Variants in AKR7A2 observed in about 807,000 individuals in gnomAD.
AKR7A2 encodes aflatoxin B1 aldehyde reductase member 2.
AKR7A2 carries 29 observed loss-of-function variants against 37.3 expected under a neutral mutation model. The observed-to-expected ratio is 0.78, with a 90% CI of 0.58 to 1.06. The LOEUF (loss-of-function observed/expected upper bound fraction) is 1.06. AKR7A2 is among the 50% of genes least tolerant of loss of function. The pLI, the probability that AKR7A2 is intolerant of heterozygous loss-of-function variation, is 0.00. For synonymous variants in AKR7A2, 228 were observed against 217.8 expected, an observed-to-expected ratio of 1.05 and a Z score of -0.41; for missense variants, 529 against 497.9, an observed-to-expected ratio of 1.06 and a Z score of -0.59.
chr1:19,305,376 C>T (rs1459826199), intron 6 of AKR7A2, among the ~76,000 whole-genome samples: 1 of 152,234 alleles, frequency 6.6e-6, no homozygotes. Flanking sequence ...CTTGCTTTGT[C>T]ACCCAGGCTA....
At chr1:19,311,757 GGGGT>G in intron 1 of AKR7A2, 66 bp downstream of exon 1, 2 of 1,590,374 alleles carry the variant, frequency 1.3e-6, no homozygotes, top group Non-Finnish European at 1.7e-6. Flanking sequence ...GGGCCCGAGC[GGGGT>G]GGTGCACGGC....
chr1:19,308,233 G>GCC lies in AKR7A2; in HGVS notation c.515_516insGG (p.Asn172LysfsTer50), dbSNP rs754611824. 6.2e-7 allele frequency: 1 copy of GCC among 1,613,606 alleles called. No individual in the cohort carries two copies. On this transcript the variant is annotated frameshift_variant, in exon 3 of 7. Transcript: ENST00000235835. LOFTEE classifies it high-confidence loss of function. Reference sequence around the variant, plus strand: ...TCTCGGCCACTTCCCAGCTAGCATAGTTGGAGAGGCCAAGCTCCACGAACT... The same window carrying GCC: ...TCTCGGCCACTTCCCAGCTAGCATAGCCTTGGAGAGGCCAAGCTCCACGAACT...
intron 5 of AKR7A2, 48 bp from the exon 6 acceptor site, chr1:19,306,195 A>C: frequency 6.2e-7 from 1 of 1,613,378 alleles, no homozygotes; most frequent in Non-Finnish European, 8.5e-7. Flanking sequence ...TGGGGGTCAC[A>C]CTGGGAGCCG....
At chr1:19,309,618 A>T (rs1166521511) in intron 1 of AKR7A2, among the ~76,000 whole-genome samples, 1 of 152,142 alleles carries the variant, frequency 6.6e-6, no homozygotes, top group Non-Finnish European at 1.5e-5. Context: ...TTCCCCTATA[A>T]AGAACCCCAG....
chr1:19,306,686 T>C (rs1418539724), intron 5 of AKR7A2, among the ~76,000 whole-genome samples: 2 of 151,714 alleles, frequency 1.3e-5, no homozygotes, highest in African/African-American at 4.8e-5. Flanking sequence ...CCCACTTCGG[T>C]GTCCCAAAGT....
At chr1:19,306,743 C>T (rs912824028) in intron 5 of AKR7A2, among the ~76,000 whole-genome samples, 2 of 152,038 alleles carry the variant, frequency 1.3e-5, no homozygotes, top group South Asian at 4.1e-4. Context: ...ATCCTGGGCT[C>T]GCTTTTTGCT....
At chr1:19,303,823 G>C, downstream of AKR7A2, 1 of 328,716 alleles carries the variant, frequency 3.0e-6, no homozygotes, top group Non-Finnish European at 5.9e-6. Context: ...CAGACCAGGG[G>C]CCCGAGGAGA....
intron 3 of AKR7A2, chr1:19,307,753 A>C: frequency 2.0e-6 from 1 of 493,820 alleles, no homozygotes; most frequent in Admixed American, 3.3e-5. Context: ...TCTACAATCA[A>C]ACAAGGAGCT....
At position 19,312,118 on chromosome 1, in the gene AKR7A2, T is replaced by G. The variant is rs1033441138; in HGVS notation, c.7A>C (p.Ser3Arg). The change falls in exon 1 of 7, where the codon AGT becomes CGT. Residue 3 changes from serine to arginine, a missense_variant. Physicochemically the swap from Ser to Arg is moderately radical, Grantham distance 110 (BLOSUM62 -1). Transcript: ENST00000235835. ML[S>R]AASRVVSRAA... Reference sequence around the variant, plus strand: ...CGGGAGACTACGCGAGACGCGGCACTCAGCATAGCAGCGGCGCCTGCGCGT... The same window carrying G: ...CGGGAGACTACGCGAGACGCGGCACGCAGCATAGCAGCGGCGCCTGCGCGT... 42 of 1,308,476 alleles carry G rather than the reference T, an allele frequency of 3.2e-5. No homozygotes were observed. Among genetic ancestry groups the G allele is most frequent in the Non-Finnish European group, 3.7e-5 (38 of 1,038,694 alleles). 81.1% of individuals were successfully genotyped at this position (1,308,476 alleles called of 1,614,324 possible).
At position 19,308,580 on chromosome 1, in the gene AKR7A2, A is replaced by T. The variant is rs138468365; in HGVS notation, c.361T>A (p.Ser121Thr). The T allele has an allele frequency of 8.7e-6, 14 of 1,613,944 alleles. No homozygotes were observed. Among genetic ancestry groups the T allele is most frequent in the African/African-American group, 1.3e-5 (1 of 74,878 alleles). ...GKSLKPDSVRSQLETSLKRLQ... is the reference protein window; with the variant it reads ...GKSLKPDSVRTQLETSLKRLQ... ...CTCTTCAATGACGTCTCCAGCTGGG[A>T]CCGGACACTGTCAGGCTTTAGTGAT... The change falls in exon 2 of 7, where the codon TCC becomes ACC. Residue 121 changes from serine to threonine, a missense_variant. Ser to Thr is a moderately conservative substitution (Grantham distance 58). Transcript: ENST00000235835.
intron 5 of AKR7A2, among the ~76,000 whole-genome samples, chr1:19,306,628 G>C (rs2093762072): frequency 6.7e-6 from 1 of 149,684 alleles, no homozygotes; most frequent in Admixed American, 6.6e-5. Context: ...TTTTTGTAGA[G>C]ACCATGTTGC....
chr1:19,306,089 C>T lies in AKR7A2; in HGVS notation c.847G>A (p.Ala283Thr), dbSNP rs773248892. The change falls in exon 6 of 7, where the codon GCA becomes ACA. Residue 283 changes from alanine (A) to threonine (T), a missense_variant. By Grantham distance (58) the Ala-to-Thr change is moderately conservative (BLOSUM62 0). Transcript: ENST00000235835. ...IALVEKALQA[A>T]YGASAPSVTS... ...ACACTGGGGGCGCTGGCGCCATATGCGGCCTGCAGGGCCTTCTCCACCAAC... is the reference window on the plus strand; with the variant it reads ...ACACTGGGGGCGCTGGCGCCATATGTGGCCTGCAGGGCCTTCTCCACCAAC... 9.3e-6 allele frequency: 15 copies of T among 1,614,072 alleles called. No individual in the cohort carries two copies. The highest frequency in any genetic ancestry group is 1.6e-4 in the Middle Eastern group (1 of 6,078).
intron 6 of AKR7A2, 128 bp downstream of exon 6, chr1:19,305,889 GT>G: frequency 6.8e-7 from 1 of 1,473,060 alleles, no homozygotes; most frequent in South Asian, 1.2e-5. Context: ...AGTGGGAAGA[GT>G]GCTTATGAGA....
Position 19,306,108 on chromosome 1 carries a change from C to T in AKR7A2, c.828G>A (p.Val276=). The T allele has an allele frequency of 6.2e-7, 1 of 1,614,210 alleles. No homozygotes were observed. Among genetic ancestry groups the T allele is most frequent in the Non-Finnish European group, 8.5e-7 (1 of 1,180,016 alleles). Residue 276 remains valine, a synonymous_variant, in exon 6 of 7, where the codon GTG becomes GTA. Transcript: ENST00000235835. Reference sequence around the variant, plus strand: ...CATATGCGGCCTGCAGGGCCTTCTCCACCAACGCAATGGCCTCGAAGTGGT... The same window carrying T: ...CATATGCGGCCTGCAGGGCCTTCTCTACCAACGCAATGGCCTCGAAGTGGT... ...KEHHFEAIAL[V]EKALQAAYGA... is the part of the protein sequence containing the mutation.
rs773425536 is a variant in AKR7A2, at chr1:19,308,489, T to A, written c.452A>T (p.Glu151Val). ...HAPDHGTPVE[E>V]TLHACQRLHQ... ...CAGCCGCTGGCAGGCATGCAGCGTC[T>A]CTTCCACCGGGGTGCCGTGGTCAGG... Residue 151 changes from glutamate to valine, a missense_variant, in exon 2 of 7, where the codon GAG becomes GTG. Transcript: ENST00000235835. 9 of 1,614,016 alleles carry A rather than the reference T, an allele frequency of 5.6e-6. No homozygotes were observed. In the South Asian group the frequency reaches 9.9e-5, roughly 18 times the overall value.
downstream of AKR7A2, among the ~76,000 whole-genome samples, chr1:19,302,961 G>A (rs1260061278): frequency 1.3e-5 from 2 of 152,136 alleles, no homozygotes; most frequent in African/African-American, 4.8e-5. Flanking sequence ...TCAACGTGCT[G>A]GGATTATAGC....
chr1:19,310,683 A>G (rs116211009), intron 1 of AKR7A2, among the ~76,000 whole-genome samples: 29 of 152,292 alleles, frequency 1.9e-4, no homozygotes, highest in African/African-American at 7.0e-4. Context: ...AATAATAATA[A>G]TAACAAAAAC....
At chr1:19,302,793 C>T (rs774242031), downstream of AKR7A2, among the ~76,000 whole-genome samples, 13 of 151,464 alleles carry the variant, frequency 8.6e-5, no homozygotes, top group Non-Finnish European at 1.5e-4. Flanking sequence ...GGGGCCCAGG[C>T]GATCCTCCCA....
Position 19,306,025 on chromosome 1 carries a change from T to G in AKR7A2, c.911A>C (p.Gln304Pro). ...AALRWMYHHS[Q>P]LQGAHGDAVI... Reference sequence around the variant, plus strand: ...CCCAGGGTCGCTGGTTACCTGCAGCTGTGAGTGGTGGTACATCCACCGGAG... The same window carrying G: ...CCCAGGGTCGCTGGTTACCTGCAGCGGTGAGTGGTGGTACATCCACCGGAG... Residue 304 changes from glutamine (Q) to proline (P), a missense_variant, in exon 6 of 7, where the codon CAG becomes CCG. By Grantham distance (76) the Gln-to-Pro change is moderately conservative (BLOSUM62 -1). Coordinates refer to ENST00000235835, the MANE Select transcript of AKR7A2 (RefSeq NM_003689.4). 1.2e-6 allele frequency: 2 copies of G among 1,613,982 alleles called. No homozygotes were observed. Among genetic ancestry groups the G allele is most frequent in the Non-Finnish European group, 1.7e-6 (2 of 1,179,908 alleles).
Sources: allele counts gnomAD v4.1 joint callset (sites outside exome capture counted in the v4.1 genomes callset), GRCh38; gene constraint gnomAD v4.1.1; transcripts MANE v1.5; gene names NCBI Gene and HGNC (gene_info 2026-07-23, HGNC 2026-07-21).